PLCH1: variants seen among roughly 807,000 people sequenced by gnomAD.
The protein encoded by PLCH1 is phospholipase C eta 1.
Under a neutral mutation model 126.7 loss-of-function variants are expected in PLCH1, and 60 were observed. That is an observed-to-expected ratio of 0.47 (90% confidence interval 0.38 to 0.59). The LOEUF is 0.59. Ranked by LOEUF, PLCH1 falls within the 20% of genes least tolerant of loss-of-function variation. The probability of loss-of-function intolerance (pLI) is 0.00; values close to 1 mark genes in which losing one functional copy is unlikely to be tolerated. For synonymous variants in PLCH1, 719 were observed against 734.9 expected, an observed-to-expected ratio of 0.98 and a Z score of 0.35; for missense variants, 1,723 against 2,040.0, an observed-to-expected ratio of 0.84 and a Z score of 2.99.
At chr3:155,732,391 G>C (rs1266850079) in intron 1 of PLCH1, among the ~76,000 whole-genome samples, 1 of 151,690 alleles carries the variant, frequency 6.6e-6, no homozygotes, top group African/African-American at 2.4e-5. Flanking sequence ...GATACAATTA[G>C]AACTAATAGA....
chr3:155,603,941 T>A (rs538873537), intron 2 of PLCH1, among the ~76,000 whole-genome samples: 2 of 152,036 alleles, frequency 1.3e-5, no homozygotes, highest in South Asian at 2.1e-4. Flanking sequence ...CTACAAAAAA[T>A]TTAAAAAATT....
At chr3:155,653,753 TC>T (rs1741049950) in intron 2 of PLCH1, among the ~76,000 whole-genome samples, 1 of 152,062 alleles carries the variant, frequency 6.6e-6, no homozygotes, top group Admixed American at 6.6e-5. Flanking sequence ...AATTCCTCAT[TC>T]CAACTACCAT....
At chr3:155,502,012 A>ACCC (rs149191345) in intron 13 of PLCH1, among the ~76,000 whole-genome samples, 7 of 151,660 alleles carry the variant, frequency 4.6e-5, no homozygotes, top group Non-Finnish European at 8.8e-5. Flanking sequence ...CTTCTCCTAA[A>ACCC]CCCCCCCAAA....
chr3:155,525,983 G>A (rs1008636448), intron 10 of PLCH1, among the ~76,000 whole-genome samples: 1 of 152,126 alleles, frequency 6.6e-6, no homozygotes, highest in African/African-American at 2.4e-5. Context: ...ACAGCAGGGG[G>A]TAAGGCCCAG....
intron 2 of PLCH1, among the ~76,000 whole-genome samples, chr3:155,693,618 G>GA (rs1057109174): frequency 3.3e-5 from 5 of 151,868 alleles, no homozygotes; most frequent in African/African-American, 1.2e-4. Context: ...AAAATAAAGT[G>GA]AAAAAATATT....
rs1424821937 is a variant in PLCH1, at chr3:155,579,169, T to C, written c.771+4303A>G. 2.6e-5 allele frequency among the ~76,000 whole-genome samples: 4 copies of C among 152,220 alleles called. No individual in the cohort carries two copies. In the South Asian group the frequency reaches 8.3e-4, roughly 31 times the overall value. ...TAAAAACTTATTAGATAAATTTGTATGTTTTTCTCTTGTTAATCGGTCTTT... is the reference window on the plus strand; with the variant it reads ...TAAAAACTTATTAGATAAATTTGTACGTTTTTCTCTTGTTAATCGGTCTTT... On this transcript the variant is annotated intron_variant, in intron 6 of 22. Coordinates refer to ENST00000460012, the MANE Select transcript of PLCH1 (RefSeq NM_014996.4).
chr3:155,520,793 G>A (rs1190275792), intron 11 of PLCH1, among the ~76,000 whole-genome samples: 2 of 152,200 alleles, frequency 1.3e-5, no homozygotes, highest in Admixed American at 6.5e-5. Context: ...CCCATTGTGA[G>A]CCAGATTTTC....
chr3:155,486,437 T>C lies in PLCH1; in HGVS notation c.2620-727A>G, dbSNP rs963786451. 1.3e-5 allele frequency among the ~76,000 whole-genome samples: 2 copies of C among 151,730 alleles called. 1 individual carries two copies. Among genetic ancestry groups the C allele is most frequent in the South Asian group, 4.2e-4 (2 of 4,808 alleles). The stretch of plus-strand genomic sequence containing the variant: ...AGGAATAAAGAGTATGACTCATAAA[T>C]GGACATTTATTTAGCAGAGAAGATG... On this transcript the variant is annotated intron_variant, in intron 21 of 22. Transcript: ENST00000460012.
At chr3:155,603,262 T>A (rs1050333082) in intron 2 of PLCH1, among the ~76,000 whole-genome samples, 1 of 152,190 alleles carries the variant, frequency 6.6e-6, no homozygotes, top group African/African-American at 2.4e-5. Flanking sequence ...ATCTGAGTAA[T>A]TGAAAGAGAT....
chr3:155,618,078 A>G (rs1341971424), intron 2 of PLCH1, among the ~76,000 whole-genome samples: 1 of 152,236 alleles, frequency 6.6e-6, no homozygotes, highest in Non-Finnish European at 1.5e-5. Context: ...TGCATTTTAT[A>G]TAACTAATCA....
chr3:155,545,502 A>C (rs1330185470), intron 10 of PLCH1, among the ~76,000 whole-genome samples: 3 of 150,174 alleles, frequency 2.0e-5, no homozygotes, highest in Admixed American at 6.6e-5. Flanking sequence ...TATTCCAATC[A>C]ATAGAAAAAG....
chr3:155,589,741 C>T (rs1361383012), intron 4 of PLCH1, among the ~76,000 whole-genome samples: 2 of 152,132 alleles, frequency 1.3e-5, no homozygotes, highest in African/African-American at 2.4e-5. Context: ...TTTCATTTAT[C>T]TGAATAGGAA....
At chr3:155,531,661 C>T (rs1722698087) in intron 10 of PLCH1, among the ~76,000 whole-genome samples, 1 of 152,162 alleles carries the variant, frequency 6.6e-6, no homozygotes. Flanking sequence ...AGTGTAGCCA[C>T]CTTCATCAAT....
chr3:155,559,564 T>C (rs1026260327), intron 8 of PLCH1, among the ~76,000 whole-genome samples: 17 of 152,214 alleles, frequency 1.1e-4, no homozygotes, highest in Non-Finnish European at 2.5e-4. Context: ...CAACTTCTAT[T>C]GTCCAGTTAT....
At chr3:155,693,716 G>A (rs1362392545) in intron 2 of PLCH1, among the ~76,000 whole-genome samples, 2 of 152,062 alleles carry the variant, frequency 1.3e-5, no homozygotes, top group Admixed American at 6.5e-5. Context: ...GATCACCTGG[G>A]GTCATGAGTT....
chr3:155,665,472 CT>C (rs1742620438), intron 2 of PLCH1, among the ~76,000 whole-genome samples: 1 of 152,114 alleles, frequency 6.6e-6, no homozygotes, highest in Non-Finnish European at 1.5e-5. Context: ...AGAAATTGTT[CT>C]ACATGGTTAA....
intron 1 of PLCH1, chr3:155,743,712 T>C (rs1305683587): frequency 2.8e-6 from 1 of 355,648 alleles, no homozygotes; most frequent in Admixed American, 4.2e-5. Context: ...CATTATACTC[T>C]GGTCCCTTTT....
intron 8 of PLCH1, among the ~76,000 whole-genome samples, chr3:155,564,706 C>T (rs1728089779): frequency 6.6e-6 from 1 of 152,202 alleles, no homozygotes; most frequent in Non-Finnish European, 1.5e-5. Flanking sequence ...GTATGCTTCA[C>T]AACTGCTAAC....
At chr3:155,566,264 T>C (rs1441867169) in intron 7 of PLCH1, among the ~76,000 whole-genome samples, 10 of 48,590 alleles carry the variant, frequency 2.1e-4, no homozygotes, top group African/African-American at 4.9e-4. Flanking sequence ...TATATACACA[T>C]ATATATACAT....
Sources: gnomAD v4.1 joint callset for allele counts (sites outside exome capture counted in the v4.1 genomes callset) on GRCh38, gnomAD v4.1.1 for gene constraint, MANE v1.5 for transcripts, NCBI Gene and HGNC (gene_info 2026-07-23, HGNC 2026-07-21) for gene names.